The following ADAMTS6 variants were observed in gnomAD, a reference collection of about 807,000 sequenced individuals.
ADAMTS6 encodes the protein ADAM metallopeptidase with thrombospondin type 1 motif 6.
A neutral mutation model predicts 144.3 loss-of-function variants in ADAMTS6; 23 were observed. That is an observed-to-expected ratio of 0.16 (90% CI 0.11 to 0.23). ADAMTS6 has a LOEUF of 0.23. Ranked by LOEUF, ADAMTS6 falls within the 10% of genes least tolerant of loss-of-function variation. The pLI is 1.00. For synonymous variants in ADAMTS6, 444 were observed against 457.5 expected, an observed-to-expected ratio of 0.97 and a Z score of 0.38; for missense variants, 999 against 1,379.6, an observed-to-expected ratio of 0.72 and a Z score of 4.37.
chr5:65,336,414 G>A (rs183893415), intron 7 of ADAMTS6, among the ~76,000 whole-genome samples: 12 of 152,148 alleles, frequency 7.9e-5, no homozygotes, highest in Non-Finnish European at 1.3e-4. Flanking sequence ...CTCCAGATCT[G>A]TAGATTGGCC....
intron 7 of ADAMTS6, among the ~76,000 whole-genome samples, chr5:65,372,000 G>A (rs1004262136): frequency 1.1e-4 from 16 of 151,908 alleles, no homozygotes; most frequent in Non-Finnish European, 1.5e-4. Flanking sequence ...TTTCAACCCC[G>A]AATTTCATAT....
chr5:65,411,529 G>A (rs1195288019), intron 7 of ADAMTS6, among the ~76,000 whole-genome samples: 1 of 152,132 alleles, frequency 6.6e-6, no homozygotes. Flanking sequence ...TACTCCAGCT[G>A]TCTTCCATTT....
intron 7 of ADAMTS6, among the ~76,000 whole-genome samples, chr5:65,355,851 C>A (rs1263256639): frequency 2.0e-5 from 3 of 151,792 alleles, no homozygotes; most frequent in African/African-American, 7.2e-5. Context: ...ACTCTTCAGG[C>A]ATAAGATTAT....
chr5:65,476,855 C>T (rs895901837), intron 1 of ADAMTS6, among the ~76,000 whole-genome samples: 2 of 152,110 alleles, frequency 1.3e-5, no homozygotes, highest in East Asian at 1.9e-4. Context: ...CATCCTGATC[C>T]GCCAGCCTCA....
chr5:65,394,058 G>C (rs1561496074), intron 7 of ADAMTS6, among the ~76,000 whole-genome samples: 2 of 152,108 alleles, frequency 1.3e-5, no homozygotes, highest in South Asian at 2.1e-4. Context: ...GGTCACAATA[G>C]CATCTCCCAT....
chr5:65,221,424 C>T (rs1424633782), intron 18 of ADAMTS6, among the ~76,000 whole-genome samples: 1 of 152,158 alleles, frequency 6.6e-6, no homozygotes, highest in Non-Finnish European at 1.5e-5. Flanking sequence ...ATTCAGACAT[C>T]TTCAATACCC....
chr5:65,374,660 A>G (rs1012263609), intron 7 of ADAMTS6, among the ~76,000 whole-genome samples: 1 of 152,222 alleles, frequency 6.6e-6, no homozygotes, highest in African/African-American at 2.4e-5. Context: ...GGAAGAATCA[A>G]TGTCGTGAAA....
chr5:65,460,759 C>T (rs1360437649), intron 3 of ADAMTS6, among the ~76,000 whole-genome samples: 1 of 152,208 alleles, frequency 6.6e-6, no homozygotes, highest in Non-Finnish European at 1.5e-5. Context: ...AGCCCAACCT[C>T]TGAATACCTC....
intron 21 of ADAMTS6, among the ~76,000 whole-genome samples, chr5:65,195,217 T>C (rs567060137): frequency 2.6e-5 from 4 of 152,342 alleles, no homozygotes; most frequent in East Asian, 3.9e-4. Flanking sequence ...ATCGCATTGC[T>C]CTACAGTTTC....
At chr5:65,241,734 G>A (rs1580161158) in intron 15 of ADAMTS6, among the ~76,000 whole-genome samples, 1 of 151,948 alleles carries the variant, frequency 6.6e-6, no homozygotes, top group African/African-American at 2.4e-5. Flanking sequence ...CTTGTTTTAG[G>A]GTGATAATTG....
intron 14 of ADAMTS6, among the ~76,000 whole-genome samples, chr5:65,258,846 T>C (rs1760916121): frequency 6.6e-6 from 1 of 152,154 alleles, no homozygotes; most frequent in Non-Finnish European, 1.5e-5. Context: ...TGTTAAACAT[T>C]AGATGTCCAT....
At chr5:65,307,467 C>A (rs1177349172) in intron 9 of ADAMTS6, among the ~76,000 whole-genome samples, 1 of 152,172 alleles carries the variant, frequency 6.6e-6, no homozygotes, top group Non-Finnish European at 1.5e-5. Context: ...AAAATGCAGA[C>A]CTAATCAACA....
At chr5:65,364,429 G>C (rs1201818918) in intron 7 of ADAMTS6, among the ~76,000 whole-genome samples, 2 of 151,908 alleles carry the variant, frequency 1.3e-5, no homozygotes, top group Non-Finnish European at 2.9e-5. Flanking sequence ...CAACACCAGA[G>C]GATAACATAA....
intron 8 of ADAMTS6, among the ~76,000 whole-genome samples, chr5:65,331,329 C>T (rs1245661358): frequency 2.6e-5 from 4 of 151,924 alleles, no homozygotes; most frequent in Non-Finnish European, 5.9e-5. Context: ...TTGGTATGTG[C>T]CATGTGGCTG....
At chr5:65,259,237 G>A (rs1217636395) in intron 14 of ADAMTS6, among the ~76,000 whole-genome samples, 1 of 151,822 alleles carries the variant, frequency 6.6e-6, no homozygotes, top group Admixed American at 6.6e-5. Context: ...AGCCAGGTGT[G>A]GTGGCACACA....
At chr5:65,246,292 A>C (rs1486105133) in intron 14 of ADAMTS6, among the ~76,000 whole-genome samples, 1 of 152,192 alleles carries the variant, frequency 6.6e-6, no homozygotes, top group Non-Finnish European at 1.5e-5. Flanking sequence ...CTACGGGCAC[A>C]TCATAACTTA....
rs780680737 is a variant in ADAMTS6, at chr5:65,172,837, C to T, written c.3082G>A (p.Gly1028Ser). Reference sequence around the variant, plus strand: ...CCACAGTACAAACGCCTTACCTGGCCCCAGTCTCCTGTGACCCAGCGAGGA... The same window carrying T: ...CCACAGTACAAACGCCTTACCTGGCTCCAGTCTCCTGTGACCCAGCGAGGA... ...PPPRWVTGDW[G>S]QCSAQCGLGQ... Residue 1028 changes from glycine (G) to serine (S), a missense_variant, in exon 23 of 25, where the codon GGC becomes AGC. Around this residue, in one of 3 missense-constraint regions of ADAMTS6, gnomAD observed 619 missense variants for 837.0 expected, o/e 0.74. Coordinates refer to ENST00000381055, the MANE Select transcript of ADAMTS6 (RefSeq NM_197941.4). The T allele has an allele frequency of 1.9e-6, 3 of 1,613,714 alleles. No individual in the cohort carries two copies. The highest frequency in any genetic ancestry group is 8.5e-7 in the Non-Finnish European group (1 of 1,179,828).
At chr5:65,275,411 GAAAGAAAA>G (rs1440526835) in intron 11 of ADAMTS6, among the ~76,000 whole-genome samples, 22 of 125,956 alleles carry the variant, frequency 1.7e-4, no homozygotes, top group African/African-American at 5.3e-4. Context: ...AAGAAAGAAA[GAAAGAAAA>G]GAAAGAAAGA....
At chr5:65,374,058 A>T (rs554052492) in intron 7 of ADAMTS6, among the ~76,000 whole-genome samples, 2 of 152,260 alleles carry the variant, frequency 1.3e-5, no homozygotes, top group East Asian at 3.9e-4. Context: ...AAATTCAACA[A>T]CCCTTCATGC....
Sources: allele counts gnomAD v4.1 joint callset (sites outside exome capture counted in the v4.1 genomes callset), GRCh38; gene constraint gnomAD v4.1.1; regional missense constraint gnomAD v4.1.1; transcripts MANE v1.5; gene names NCBI Gene and HGNC (gene_info 2026-07-23, HGNC 2026-07-21).